RAB37: variants seen among roughly 807,000 people sequenced by gnomAD.
The protein encoded by RAB37 is ras-related protein Rab-37.
A neutral mutation model predicts 33.1 loss-of-function variants in RAB37; 29 were observed. The observed-to-expected ratio is 0.88, with a 90% CI of 0.65 to 1.20. The LOEUF is 1.20. Among genes scored for constraint, RAB37 ranks in the 50% most tolerant of loss-of-function variants. The probability of loss-of-function intolerance (pLI) is 0.00; values close to 1 mark genes in which losing one functional copy is unlikely to be tolerated. For missense variants in RAB37, 299 were observed against 301.1 expected, an observed-to-expected ratio of 0.99 and a Z score of 0.05; for synonymous variants, 128 against 119.5, an observed-to-expected ratio of 1.07 and a Z score of -0.47.
intron 1 of RAB37, among the ~76,000 whole-genome samples, chr17:74,675,901 A>T (rs528976688): frequency 6.6e-6 from 1 of 152,360 alleles, no homozygotes; most frequent in East Asian, 1.9e-4. Context: ...GAGCTCATCC[A>T]TCATGTGCCT....
upstream of RAB37, among the ~76,000 whole-genome samples, chr17:74,734,146 C>T (rs1205921455): frequency 6.6e-6 from 1 of 152,212 alleles, no homozygotes; most frequent in Non-Finnish European, 1.5e-5. Flanking sequence ...AGCAGGGCCA[C>T]GCTCCCTCTG....
intron 1 of RAB37, among the ~76,000 whole-genome samples, chr17:74,687,790 T>G (rs888127594): frequency 6.6e-6 from 1 of 152,134 alleles, no homozygotes; most frequent in African/African-American, 2.4e-5. Flanking sequence ...GGTCCATGCC[T>G]GGAGAACAGT....
chr17:74,700,830 GT>G (rs1415990687), intron 1 of RAB37, among the ~76,000 whole-genome samples: 5 of 152,158 alleles, frequency 3.3e-5, no homozygotes, highest in Admixed American at 3.3e-4. Context: ...CAATCCATAT[GT>G]TGAAGTCCCA....
At chr17:74,721,200 C>T (rs114055689) in intron 1 of RAB37, among the ~76,000 whole-genome samples, 7 of 152,170 alleles carry the variant, frequency 4.6e-5, no homozygotes, top group East Asian at 1.9e-4. Context: ...CATTTAGGGC[C>T]GCAGGTCCAG....
chr17:74,682,633 G>A (rs1329838958), intron 1 of RAB37, among the ~76,000 whole-genome samples: 1 of 152,210 alleles, frequency 6.6e-6, no homozygotes. Flanking sequence ...GGCCGGGCGT[G>A]GTGGATCATG....
rs147965827 is a variant in RAB37 at position 74,695,065 on chromosome 17, C to G, written c.72+23407C>G. Reference sequence around the variant, plus strand: ...GATGAGGCAGGAGTGTGCTCACAGCCTGGGGTCCAAGAAGGAGCCTGGAGT... The same window carrying G: ...GATGAGGCAGGAGTGTGCTCACAGCGTGGGGTCCAAGAAGGAGCCTGGAGT... On this transcript the variant is annotated intron_variant, in intron 1 of 7. Coordinates refer to the RAB37 transcript ENST00000340415. 745 of 1,602,120 alleles carry G rather than the reference C, an allele frequency of 4.7e-4. 10 individuals carry two copies. In the East Asian group the frequency reaches 0.015, roughly 33 times the overall value.
chr17:74,683,878 T>A (rs2032002666), intron 1 of RAB37, among the ~76,000 whole-genome samples: 1 of 152,050 alleles, frequency 6.6e-6, no homozygotes, highest in Admixed American at 6.6e-5. Flanking sequence ...CAGGACAGCA[T>A]CTGCGAGGGT....
At chr17:74,736,854 T>A, upstream of RAB37, 1 of 1,523,528 alleles carries the variant, frequency 6.6e-7, no homozygotes, top group African/African-American at 1.4e-5. Context: ...GCTCCCCGCC[T>A]CGCCACCTGG....
Position 74,744,207 on chromosome 17 carries a change from G to A in RAB37, c.367-101G>A, listed in dbSNP as rs145271707. On this transcript the variant is annotated intron_variant, in intron 5 of 8. Coordinates refer to ENST00000392613, the MANE Select transcript of RAB37 (RefSeq NM_001006638.3). This position sits in a 1 kb window ranked among gnomAD's most constrained non-coding sequence, Gnocchi z 4.2. ...CAGATGAGAGAACGCACAGGGTATC[G>A]TGTTCAAGGTAGTGAGTAACTGAGG... The A allele has an allele frequency of 0.018, 20,310 of 1,112,898 alleles. 270 individuals are homozygous for A. Among genetic ancestry groups the A allele is most frequent in the Non-Finnish European group, 0.024 (17,901 of 758,142 alleles). 68.9% of individuals were successfully genotyped at this position (1,112,898 alleles called of 1,614,324 possible). A position where few individuals can be genotyped will look rare whatever the true frequency, so the allele number is the denominator to read the frequency against.
chr17:74,718,436 T>G (rs1410865526), intron 1 of RAB37, among the ~76,000 whole-genome samples: 2 of 152,148 alleles, frequency 1.3e-5, no homozygotes, highest in Non-Finnish European at 1.5e-5. Context: ...AAAGGGCTCT[T>G]TGATTTTCAG....
intron 1 of RAB37, among the ~76,000 whole-genome samples, chr17:74,720,791 G>A (rs554746974): frequency 1.2e-4 from 18 of 152,030 alleles, no homozygotes; most frequent in Non-Finnish European, 2.5e-4. Context: ...CTTGGTACCC[G>A]GGTTCTTGTC....
Position 74,744,817 on chromosome 17 carries a change from T to C in RAB37, c.433-56T>C. On this transcript the variant is annotated intron_variant, in intron 6 of 8. Coordinates refer to ENST00000392613, the MANE Select transcript of RAB37 (RefSeq NM_001006638.3). The surrounding 1 kb of genome is among the most constrained non-coding windows in gnomAD (Gnocchi z 4.2). ...CAACGCCTGCTTCTGGGGCAAAATATGGGCCCGCTGGGGCGGAGGCCTCCT... is the reference window on the plus strand; with the variant it reads ...CAACGCCTGCTTCTGGGGCAAAATACGGGCCCGCTGGGGCGGAGGCCTCCT... The C allele has an allele frequency of 1.3e-5, 21 of 1,607,242 alleles. No homozygotes were observed. In the South Asian group the frequency reaches 1.5e-4, roughly 12 times the overall value.
At chr17:74,720,494 G>A (rs1313661099) in intron 1 of RAB37, among the ~76,000 whole-genome samples, 2 of 152,138 alleles carry the variant, frequency 1.3e-5, no homozygotes, top group African/African-American at 4.8e-5. Flanking sequence ...GGGAGGCTGA[G>A]GCAGGAGAAT....
At chr17:74,731,164 C>G (rs953716796) in intron 2 of RAB37, among the ~76,000 whole-genome samples, 1 of 152,222 alleles carries the variant, frequency 6.6e-6, no homozygotes, top group Non-Finnish European at 1.5e-5. Flanking sequence ...TATCAGCGGT[C>G]TGGGGGTCCC....
At position 74,737,319 on chromosome 17, in the gene RAB37, C is replaced by A; in HGVS notation, c.47C>A (p.Pro16His). Residue 16 changes from proline (P) to histidine (H), a missense_variant, in exon 1 of 9, where the codon CCC becomes CAC. Transcript: ENST00000392613. ...GTTGCCACCCGGGATGGCGAGGCCCCCGAGCGCTCCCCGCCCTGCAGTCCG... is the reference window on the plus strand; with the variant it reads ...GTTGCCACCCGGGATGGCGAGGCCCACGAGCGCTCCCCGCCCTGCAGTCCG... Reference protein sequence around the residue: ...GAVATRDGEAPERSPPCSPSY... With the variant: ...GAVATRDGEAHERSPPCSPSY... 6.3e-7 allele frequency: 1 copy of A among 1,577,322 alleles called. No homozygotes were observed. Among genetic ancestry groups the A allele is most frequent in the Non-Finnish European group, 8.6e-7 (1 of 1,168,962 alleles).
intron 2 of RAB37, among the ~76,000 whole-genome samples, chr17:74,731,757 C>T (rs2034386324): frequency 6.6e-6 from 1 of 152,166 alleles, no homozygotes; most frequent in Admixed American, 6.5e-5. Context: ...CCTGTAATCC[C>T]AGCACTTTGG....
At chr17:74,702,606 C>T (rs2033154747) in intron 1 of RAB37, among the ~76,000 whole-genome samples, 1 of 152,128 alleles carries the variant, frequency 6.6e-6, no homozygotes. Context: ...CCTTGTCCTC[C>T]CAGAAGTTGA....
At chr17:74,695,553 G>A (rs2032365322) in intron 1 of RAB37, among the ~76,000 whole-genome samples, 1 of 152,298 alleles carries the variant, frequency 6.6e-6, no homozygotes, top group South Asian at 2.1e-4. Flanking sequence ...CCCCAGGACT[G>A]AGACTTGCCT....
upstream of RAB37, among the ~76,000 whole-genome samples, chr17:74,732,705 GGT>G (rs2034405458): frequency 3.6e-3 from 199 of 55,058 alleles, no homozygotes; most frequent in African/African-American, 4.8e-3. Context: ...TGATTTGAGG[GGT>G]GTGTGGTGTG....
Sources: gnomAD v4.1 joint callset for allele counts (sites outside exome capture counted in the v4.1 genomes callset) on GRCh38, gnomAD v4.1.1 for gene constraint, Gnocchi (gnomAD v3.1) non-coding constraint, MANE v1.5 for transcripts, NCBI Gene and HGNC (gene_info 2026-07-23, HGNC 2026-07-21) for gene names.